Variants in IFT52 observed in about 807,000 individuals in gnomAD.
IFT52 encodes the protein intraflagellar transport protein 52 homolog.
IFT52 carries 44 observed loss-of-function variants against 54.4 expected under a neutral mutation model. The ratio of observed to expected loss-of-function variants is 0.81; its 90% confidence interval spans 0.63 to 1.04. The LOEUF is 1.04. Among genes scored for constraint, IFT52 ranks in the 50% least tolerant of loss-of-function variants. The pLI is 0.00. For synonymous variants in IFT52, 181 were observed against 185.3 expected (o/e 0.98, Z 0.19); for missense variants, 452 against 523.6 (o/e 0.86, Z 1.33).
At chr20:43,638,521 A>G (rs1435623128) in intron 12 of IFT52, among the ~76,000 whole-genome samples, 1 of 152,172 alleles carries the variant, frequency 6.6e-6, no homozygotes, top group African/African-American at 2.4e-5. Context: ...TTAAAATACA[A>G]TAAACTCGGG....
chr20:43,600,465 C>T (rs1023436520), intron 3 of IFT52, among the ~76,000 whole-genome samples: 112 of 152,028 alleles, frequency 7.4e-4, no homozygotes, highest in African/African-American at 2.5e-3. Context: ...CCACCACGCC[C>T]GGCTAATTTT....
At chr20:43,615,416 C>A (rs1292215695) in intron 7 of IFT52, among the ~76,000 whole-genome samples, 1 of 152,188 alleles carries the variant, frequency 6.6e-6, no homozygotes. Flanking sequence ...ACCAGCTGAT[C>A]TCCTAATTTT....
chr20:43,623,999 C>G lies in IFT52; in HGVS notation c.877C>G (p.Leu293Val), dbSNP rs1466758090. ...IPRDFTTLFD[L>V]SIFQLDTTSF... ...AAGGGACTTTACCACCCTCTTCGAC[C>G]TGTCCATCTTCCAGCTGGATACCAC... Residue 293 changes from leucine (L) to valine (V), a missense_variant, in exon 10 of 14, where the codon CTG (leucine) becomes GTG (valine). Leu to Val is a conservative substitution (Grantham distance 32, BLOSUM62 1). Transcript: ENST00000373030. 1 of 1,614,080 alleles carries G rather than the reference C, an allele frequency of 6.2e-7. No individual in the cohort carries two copies. Among genetic ancestry groups the G allele is most frequent in the Non-Finnish European group, 8.5e-7 (1 of 1,180,054 alleles).
chr20:43,600,551 G>A (rs74520214), intron 3 of IFT52, among the ~76,000 whole-genome samples: 4,561 of 152,076 alleles, frequency 0.03, 235 homozygotes, highest in African/African-American at 0.1. Context: ...TGATCCGCCC[G>A]CCTTGGCCTC....
intron 1 of IFT52, among the ~76,000 whole-genome samples, chr20:43,593,967 T>C (rs1981730419): frequency 6.6e-6 from 1 of 152,156 alleles, no homozygotes; most frequent in African/African-American, 2.4e-5. Context: ...ATAATGCATA[T>C]GGTAAGATCC....
intron 10 of IFT52, among the ~76,000 whole-genome samples, chr20:43,629,334 G>A (rs1484996757): frequency 3.1e-5 from 3 of 95,290 alleles, no homozygotes; most frequent in African/African-American, 6.5e-5. Context: ...GTGCAGTGGC[G>A]CCATCTCGAC....
At chr20:43,607,191 G>C (rs1982975683) in intron 6 of IFT52, among the ~76,000 whole-genome samples, 1 of 145,842 alleles carries the variant, frequency 6.9e-6, no homozygotes, top group Non-Finnish European at 1.5e-5. Context: ...CTCCTGGATG[G>C]GGCGGCTGGC....
In IFT52 at chr20:43,642,748, G is replaced by C. The variant is rs1483855403; in HGVS notation, c.1266+124G>C. ...TAAATATTTATTAAGCATCTACTAGGTGAACAAAACAGACAATAAACCCTG... is the reference window on the plus strand; with the variant it reads ...TAAATATTTATTAAGCATCTACTAGCTGAACAAAACAGACAATAAACCCTG... On this transcript the variant is annotated intron_variant, in intron 13 of 13. Coordinates refer to ENST00000373030, the MANE Select transcript of IFT52 (RefSeq NM_016004.5). 1.2e-5 allele frequency: 11 copies of C among 911,754 alleles called. No homozygotes were observed. In the East Asian group the frequency reaches 2.9e-4, roughly 24 times the overall value. 56.5% of individuals were successfully genotyped at this position (911,754 alleles called of 1,614,324 possible).
chr20:43,621,501 G>T (rs1033899885), intron 9 of IFT52, among the ~76,000 whole-genome samples: 1 of 151,972 alleles, frequency 6.6e-6, no homozygotes, highest in Admixed American at 6.6e-5. Flanking sequence ...TCGCTCTGTC[G>T]CCCAAGGCTG....
chr20:43,627,922 G>GGT (rs1984857971), intron 10 of IFT52, among the ~76,000 whole-genome samples: 1 of 56,082 alleles, frequency 1.8e-5, no homozygotes, highest in African/African-American at 8.0e-5. Context: ...GAGAGAGAGA[G>GGT]TTTTTTTTTT....
chr20:43,610,718 G>T (rs562194059), intron 6 of IFT52, among the ~76,000 whole-genome samples: 2 of 150,512 alleles, frequency 1.3e-5, no homozygotes, highest in Non-Finnish European at 2.9e-5. Flanking sequence ...TAGCCTGGGC[G>T]ACAGAGCGAG....
At position 43,636,867 on chromosome 20, in the gene IFT52, T is replaced by C. The variant is rs149121528; in HGVS notation, c.1012-278T>C. The stretch of plus-strand genomic sequence containing the variant: ...GCTGGTTCTACTTGGTTGTTTACAG[T>C]GGGCTAATAATCTTTCTTGGTATGG... On this transcript the variant is annotated intron_variant, in intron 11 of 13. Coordinates refer to ENST00000373030, the MANE Select transcript of IFT52 (RefSeq NM_016004.5). 1.5e-3 allele frequency among the ~76,000 whole-genome samples: 222 copies of C among 152,304 alleles called. 4 individuals are homozygous for C. In the East Asian group the frequency reaches 0.039, roughly 27 times the overall value.
At chr20:43,602,125 A>C (rs1982494024) in intron 3 of IFT52, among the ~76,000 whole-genome samples, 1 of 122,026 alleles carries the variant, frequency 8.2e-6, no homozygotes, top group Non-Finnish European at 1.8e-5. Context: ...GAGGAAATGG[A>C]CTTTGAGCTG....
At chr20:43,592,339 G>GA (rs560872576) in intron 1 of IFT52, among the ~76,000 whole-genome samples, 65 of 145,544 alleles carry the variant, frequency 4.5e-4, no homozygotes, top group East Asian at 1.6e-3. Context: ...GAAAAAGAAG[G>GA]AAAAAAAAAA....
At chr20:43,606,798 A>T (rs1005924011) in intron 6 of IFT52, among the ~76,000 whole-genome samples, 1 of 152,172 alleles carries the variant, frequency 6.6e-6, no homozygotes, top group African/African-American at 2.4e-5. Context: ...CTTAACGAGC[A>T]TGCTGCCTTC....
At chr20:43,605,230 C>G in intron 6 of IFT52, 157 bp downstream of exon 6, 5 of 1,426,482 alleles carry the variant, frequency 3.5e-6, no homozygotes, top group Non-Finnish European at 4.6e-6. Flanking sequence ...AGTCCATGCT[C>G]CTCCCCCTGA....
chr20:43,603,446 C>A (rs1446249521), intron 3 of IFT52, among the ~76,000 whole-genome samples: 1 of 152,150 alleles, frequency 6.6e-6, no homozygotes, highest in African/African-American at 2.4e-5. Flanking sequence ...CAACTGGCAT[C>A]TAGTAGGTGG....
At chr20:43,632,866 A>G (rs563882344) in intron 10 of IFT52, among the ~76,000 whole-genome samples, 1 of 152,244 alleles carries the variant, frequency 6.6e-6, no homozygotes, top group Non-Finnish European at 1.5e-5. Flanking sequence ...AGGCAAAACA[A>G]AAAGCTTATT....
At chr20:43,630,423 C>T (rs1985077508) in intron 10 of IFT52, among the ~76,000 whole-genome samples, 1 of 152,188 alleles carries the variant, frequency 6.6e-6, no homozygotes, top group Non-Finnish European at 1.5e-5. Context: ...ATTTGTCTTA[C>T]ATACCACAGC....
Sources: gnomAD v4.1 joint callset for allele counts (sites outside exome capture counted in the v4.1 genomes callset) on GRCh38, gnomAD v4.1.1 for gene constraint, MANE v1.5 for transcripts, NCBI Gene and HGNC (gene_info 2026-07-23, HGNC 2026-07-21) for gene names.